TRPM6: variants seen among roughly 807,000 people sequenced by gnomAD.
TRPM6 encodes transient receptor potential cation channel subfamily M member 6.
A neutral mutation model predicts 247.6 loss-of-function variants in TRPM6; 111 were observed. That is an observed-to-expected ratio of 0.45 (90% CI 0.38 to 0.52). The LOEUF (loss-of-function observed/expected upper bound fraction) is 0.52, where lower values mean the gene tolerates loss of function less well. Ranked by LOEUF, TRPM6 falls within the 20% of genes least tolerant of loss-of-function variation. TRPM6 has a pLI of 0.00. For missense variants in TRPM6, 2,126 were observed against 2,421.5 expected (o/e 0.88, Z 2.56); for synonymous variants, 892 against 853.8 (o/e 1.04, Z -0.78).
chr9:74,756,734 A>G (rs1194734771), intron 27 of TRPM6, among the ~76,000 whole-genome samples: 2 of 150,532 alleles, frequency 1.3e-5, no homozygotes, highest in African/African-American at 4.9e-5. Flanking sequence ...CTGTGGTCCC[A>G]GGTACTCAAG....
In TRPM6 at chr9:74,739,419, A is replaced by T. The variant is rs1480533731; in HGVS notation, c.5518T>A (p.Leu1840Met). ...TTCACTTGGTTGAAGGTATAGATCA[A>T]TTTTTGAGCAGCTCTTTGTTGTTGA... ...EIQQQRAAQK[L>M]IYTFNQVKPQ... Residue 1840 changes from leucine (L) to methionine (M), a missense_variant, in exon 35 of 39, where the codon TTG becomes ATG. Coordinates refer to ENST00000360774, the MANE Select transcript of TRPM6 (RefSeq NM_017662.5). 1 of 1,614,122 alleles carries T rather than the reference A, an allele frequency of 6.2e-7. No individual in the cohort carries two copies. Among genetic ancestry groups the T allele is most frequent in the East Asian group, 2.2e-5 (1 of 44,866 alleles).
chr9:74,767,301 A>C (rs1210323271), intron 25 of TRPM6, among the ~76,000 whole-genome samples: 4 of 152,184 alleles, frequency 2.6e-5, no homozygotes, highest in Non-Finnish European at 5.9e-5. Flanking sequence ...AAAGCATCTT[A>C]CTCCACAGAA....
rs115345949 is a variant in TRPM6 at position 74,815,027 on chromosome 9, A to G, written c.1308+1642T>C. On this transcript the variant is annotated intron_variant, in intron 11 of 38. Coordinates refer to ENST00000360774, the MANE Select transcript of TRPM6 (RefSeq NM_017662.5). ...CCAGCAAAGCTACCAAAGGAAAGAT[A>G]GGGAACATGGGAGGAAAGAGATAAG... is the stretch of plus-strand genomic sequence containing the variant. 8.6e-3 allele frequency among the ~76,000 whole-genome samples: 1,306 copies of G among 152,314 alleles called. 12 individuals carry two copies. The highest frequency in any genetic ancestry group is 0.026 in the African/African-American group (1,092 of 41,576).
chr9:74,760,642 A>T (rs1317482411), intron 27 of TRPM6, among the ~76,000 whole-genome samples: 1 of 152,202 alleles, frequency 6.6e-6, no homozygotes, highest in African/African-American at 2.4e-5. Context: ...ATGAGATACC[A>T]CTACACATTC....
intron 20 of TRPM6, among the ~76,000 whole-genome samples, chr9:74,787,254 G>C (rs931351221): frequency 2.6e-5 from 4 of 151,562 alleles, no homozygotes; most frequent in Admixed American, 2.6e-4. Flanking sequence ...AGAACTGCTT[G>C]AACCTGGGAG....
intron 6 of TRPM6, among the ~76,000 whole-genome samples, chr9:74,829,852 G>A (rs990218889): frequency 2.6e-5 from 4 of 152,122 alleles, no homozygotes; most frequent in African/African-American, 4.8e-5. Flanking sequence ...TAGACACAGA[G>A]AGAGGCTCAT....
chr9:74,724,663 G>A lies in TRPM6; in HGVS notation c.6019C>T (p.Pro2007Ser), dbSNP rs1480418848. 2.5e-6 allele frequency: 4 copies of A among 1,614,188 alleles called. No individual in the cohort carries two copies. Among genetic ancestry groups the A allele is most frequent in the Non-Finnish European group, 2.5e-6 (3 of 1,180,034 alleles). The change falls in exon 39 of 39, where the codon CCA becomes TCA. Residue 2007 changes from proline to serine, a missense_variant. Pro to Ser is a moderately conservative substitution (Grantham distance 74). Coordinates refer to ENST00000360774, the MANE Select transcript of TRPM6 (RefSeq NM_017662.5). Reference sequence around the variant, plus strand: ...GAATTTCTACCCGTCTCCCTTGCTGGAGGCTCCTCAGCTGATTCTATTTTT... The same window carrying A: ...GAATTTCTACCCGTCTCCCTTGCTGAAGGCTCCTCAGCTGATTCTATTTTT... The part of the protein sequence containing the change: ...EIKIESAEEP[P>S]ARETGRNSPE...
chr9:74,830,533 T>C (rs1450754415), intron 6 of TRPM6, among the ~76,000 whole-genome samples: 1 of 152,002 alleles, frequency 6.6e-6, no homozygotes, highest in African/African-American at 2.4e-5. Context: ...GTAGCTAAGA[T>C]CACAGGCACA....
chr9:74,873,429 C>A (rs955905892), intron 1 of TRPM6, among the ~76,000 whole-genome samples: 1 of 152,196 alleles, frequency 6.6e-6, no homozygotes, highest in Non-Finnish European at 1.5e-5. Flanking sequence ...GGAAGAAAAA[C>A]AAAATGTGCT....
rs1026421695 is a variant in TRPM6 at position 74,776,103 on chromosome 9, A to G, written c.3210-27T>C. 10 of 1,574,422 alleles carry G rather than the reference A, an allele frequency of 6.4e-6. No homozygotes were observed. The Middle Eastern group carries it at 5.0e-4, about 79-fold the overall frequency. ...TGTAAGATGAAGTAAGAGAGGGACA[A>G]TGTTTTAATATGAAGTCTTGAAAGG... On this transcript the variant is annotated intron_variant, in intron 23 of 38. Transcript: ENST00000360774.
chr9:74,814,496 C>T (rs974670078), intron 11 of TRPM6, among the ~76,000 whole-genome samples: 2 of 151,916 alleles, frequency 1.3e-5, no homozygotes, highest in East Asian at 3.9e-4. Flanking sequence ...GGGATGGATA[C>T]CTCATTTACT....
chr9:74,816,988 C>T (rs773397844), intron 9 of TRPM6, 24 bp from the exon 10 acceptor site: 6 of 1,603,034 alleles, frequency 3.7e-6, no homozygotes, highest in Non-Finnish European at 5.1e-6. Context: ...AAACAGAGAG[C>T]CATACATTTG....
At chr9:74,848,980 T>C (rs1195277824) in intron 3 of TRPM6, among the ~76,000 whole-genome samples, 1 of 152,216 alleles carries the variant, frequency 6.6e-6, no homozygotes, top group Non-Finnish European at 1.5e-5. Flanking sequence ...TGTTATGGAC[T>C]GAATTGTTTT....
chr9:74,784,955 T>TA (rs1292837469), intron 21 of TRPM6, among the ~76,000 whole-genome samples: 2 of 151,946 alleles, frequency 1.3e-5, no homozygotes, highest in Admixed American at 6.6e-5. Flanking sequence ...ATATAAATAA[T>TA]AAAAAATAAT....
Position 74,842,221 on chromosome 9 carries a change from G to T in TRPM6, c.275C>A (p.Thr92Lys). ...SVEKHTTKSP[T>K]DTFGTINFQD... ...GAAATTAATCGTGCCAAAAGTATCTGTTGGGCTTTTCGTTGTGTGCTTTTC... is the reference window on the plus strand; with the variant it reads ...GAAATTAATCGTGCCAAAAGTATCTTTTGGGCTTTTCGTTGTGTGCTTTTC... The change falls in exon 4 of 39, where the codon ACA (threonine) becomes AAA (lysine). Residue 92 changes from threonine (T) to lysine (K), a missense_variant. Physicochemically the swap from Thr to Lys is moderately conservative, Grantham distance 78 (BLOSUM62 -1). Coordinates refer to ENST00000360774, the MANE Select transcript of TRPM6 (RefSeq NM_017662.5). 1 of 1,613,868 alleles carries T rather than the reference G, an allele frequency of 6.2e-7. No homozygotes were observed. The highest frequency in any genetic ancestry group is 8.5e-7 in the Non-Finnish European group (1 of 1,179,980).
At chr9:74,747,970 A>T in intron 30 of TRPM6, 56 bp from the exon 31 acceptor site, 1 of 1,552,382 alleles carries the variant, frequency 6.4e-7, no homozygotes. Context: ...TCTTACAGTT[A>T]TCAAAAAAAG....
chr9:74,851,523 G>A lies in TRPM6; in HGVS notation c.152+4004C>T, dbSNP rs141211485. On this transcript the variant is annotated intron_variant, in intron 3 of 38. Coordinates refer to ENST00000360774, the MANE Select transcript of TRPM6 (RefSeq NM_017662.5). ...AGCACTTTGGGAGGCTGAGGACGGC[G>A]GAACATTTAAGGTCGGGAGTTCAAA... Among the ~76,000 whole-genome samples, 939 of 151,898 alleles carry A rather than the reference G, an allele frequency of 6.2e-3. 11 individuals are homozygous for A. The highest frequency in any genetic ancestry group is 0.021 in the African/African-American group (882 of 41,444).
chr9:74,783,241 G>A (rs977698952), intron 21 of TRPM6, among the ~76,000 whole-genome samples: 1 of 151,792 alleles, frequency 6.6e-6, no homozygotes, highest in African/African-American at 2.4e-5. Flanking sequence ...CTTATTCCCA[G>A]AATTGTCTTC....
chr9:74,829,904 C>A (rs1829485676), intron 6 of TRPM6, among the ~76,000 whole-genome samples: 1 of 152,038 alleles, frequency 6.6e-6, no homozygotes, highest in Non-Finnish European at 1.5e-5. Context: ...GCAGGAAGAT[C>A]ACTTGAGGCC....
Sources: allele counts gnomAD v4.1 joint callset (sites outside exome capture counted in the v4.1 genomes callset), GRCh38; gene constraint gnomAD v4.1.1; transcripts MANE v1.5; gene names NCBI Gene and HGNC (gene_info 2026-07-23, HGNC 2026-07-21).